Variants in SH2D6 observed in about 807,000 individuals in gnomAD.
The protein encoded by SH2D6 is SH2 domain-containing protein 6.
In SH2D6, 31 loss-of-function variants were observed where a neutral mutation model predicts 30.2. That is an observed-to-expected ratio of 1.03 (90% CI 0.77 to 1.38). The LOEUF (loss-of-function observed/expected upper bound fraction) is 1.38, where lower values mean the gene tolerates loss of function less well. Ranked by LOEUF, SH2D6 falls within the 40% of genes most tolerant of loss-of-function variation. The pLI, the probability that SH2D6 is intolerant of heterozygous loss-of-function variation, is 0.00. For synonymous variants in SH2D6, 93 were observed against 104.6 expected (o/e 0.89, Z 0.68); for missense variants, 240 against 266.8 (o/e 0.90, Z 0.70).
At position 85,432,409 on chromosome 2, in the gene SH2D6, G is replaced by T. The variant is rs866309936; in HGVS notation, c.370+450G>T. Reference sequence around the variant, plus strand: ...TATTTTTTTTGTTTTGTTTTGTTTTGTTTTTTTTTTGAGACGGAGTCTTGC... The same window carrying T: ...TATTTTTTTTGTTTTGTTTTGTTTTTTTTTTTTTTTGAGACGGAGTCTTGC... On this transcript the variant is annotated intron_variant, in intron 14 of 23. Coordinates refer to ENST00000469800, the MANE Select transcript of SH2D6 (RefSeq NM_001394463.1). 3.5e-3 allele frequency among the ~76,000 whole-genome samples: 505 copies of T among 145,942 alleles called. 7 individuals carry two copies. The highest frequency in any genetic ancestry group is 0.012 in the African/African-American group (476 of 39,460).
Position 85,434,485 on chromosome 2 carries a change from G to A in SH2D6, c.577G>A (p.Ala193Thr), listed in dbSNP as rs1345805698. ...PQETRNGTAD[A>T]ASKEGRKSSL... ...TCCTGTATGCCAGGGAACAGCAGATGCTGCCTCTAAAGGTGAGTAAAGGCT... is the reference window on the plus strand; with the variant it reads ...TCCTGTATGCCAGGGAACAGCAGATACTGCCTCTAAAGGTGAGTAAAGGCT... The change falls in exon 19 of 24, where the codon GCT becomes ACT. Residue 193 changes from alanine (A) to threonine (T), a missense_variant. By Grantham distance (58) the Ala-to-Thr change is moderately conservative (BLOSUM62 0). Transcript: ENST00000469800. 1.9e-6 allele frequency: 3 copies of A among 1,550,472 alleles called. No homozygotes were observed.
chr2:85,434,492 C>T lies in SH2D6; in HGVS notation c.584C>T (p.Ser195Phe), dbSNP rs1266438587. 3.2e-6 allele frequency: 5 copies of T among 1,550,352 alleles called. No individual in the cohort carries two copies. The highest frequency in any genetic ancestry group is 1.2e-5 in the South Asian group (1 of 84,062). The change falls in exon 19 of 24, where the codon TCT becomes TTT. Residue 195 changes from serine to phenylalanine, a missense_variant. Coordinates refer to ENST00000469800, the MANE Select transcript of SH2D6 (RefSeq NM_001394463.1). ...TGCCAGGGAACAGCAGATGCTGCCTCTAAAGGTGAGTAAAGGCTGGTCCAA... is the reference window on the plus strand; with the variant it reads ...TGCCAGGGAACAGCAGATGCTGCCTTTAAAGGTGAGTAAAGGCTGGTCCAA... ...ETRNGTADAA[S>F]KEGRKSSLPS...
rs1689217296 is a variant in SH2D6, at chr2:85,434,857, C to T, written c.590-208C>T. 5 of 1,511,732 alleles carry T rather than the reference C, an allele frequency of 3.3e-6. No homozygotes were observed. The South Asian group carries it at 6.6e-5, about 20-fold the overall frequency. 93.6% of individuals were successfully genotyped at this position (1,511,732 alleles called of 1,614,324 possible). On this transcript the variant is annotated intron_variant, in intron 19 of 23. Transcript: ENST00000469800. ...TAGTCTGTGCCCCAAGATCACGCCT[C>T]ATTTGGAGGTCACACGAGGCCTGGC... is the stretch of plus-strand genomic sequence containing the variant.
chr2:85,435,777 G>A lies in SH2D6; in HGVS notation c.844G>A (p.Gly282Ser), dbSNP rs370147462. The A allele has an allele frequency of 1.2e-5, 20 of 1,606,894 alleles. No homozygotes were observed. Among genetic ancestry groups the A allele is most frequent in the Non-Finnish European group, 1.6e-5 (19 of 1,176,916 alleles). Residue 282 changes from glycine to serine, a missense_variant, in exon 22 of 24, where the codon GGC becomes AGC. Gly to Ser is a moderately conservative substitution (Grantham distance 56). Coordinates refer to ENST00000469800, the MANE Select transcript of SH2D6 (RefSeq NM_001394463.1). The part of the protein sequence containing the change: ...VFNIPIRRLD[G>S]GRHYALGREG... ...CAACATTCCCATCCGGCGGCTGGAT[G>A]GCGGACGCCACTATGCCCTGGGCCG...
chr2:85,430,728 C>T lies in SH2D6; in HGVS notation c.250+76C>T, dbSNP rs1178063665. The T allele has an allele frequency of 1.3e-5, 2 of 152,350 alleles. No homozygotes were observed. The highest frequency in any genetic ancestry group is 2.9e-5 in the Non-Finnish European group (2 of 68,110). The allele number at this position is 152,350 out of a possible 1,614,324, so 9.4% of individuals were successfully genotyped here. ...GGAGGGTCCCCACAAGACAAGAGGA[C>T]ATAGGCCTCGCCTCTCCTCCCCTGC... On this transcript the variant is annotated intron_variant, in intron 12 of 23. Transcript: ENST00000469800. The surrounding 1 kb of genome is among the most constrained non-coding windows in gnomAD (Gnocchi z 4.3).
At chr2:85,425,787 G>A (rs1687994703) in intron 6 of SH2D6, among the ~76,000 whole-genome samples, 1 of 152,112 alleles carries the variant, frequency 6.6e-6, no homozygotes, top group African/African-American at 2.4e-5. Flanking sequence ...GCCCTGGGTG[G>A]TGGCACTAAG....
intron 6 of SH2D6, among the ~76,000 whole-genome samples, chr2:85,426,126 C>T (rs904829160): frequency 3.9e-5 from 6 of 152,174 alleles, no homozygotes; most frequent in Non-Finnish European, 5.9e-5. Flanking sequence ...ACCTCTGAGA[C>T]CTCTGACCAC....
chr2:85,435,011 G>GCCCCC, intron 19 of SH2D6, 54 bp from the exon 20 acceptor site: 1 of 932,138 alleles, frequency 1.1e-6, no homozygotes. Context: ...AGCCACCTTT[G>GCCCCC]CCCACCCCCA....
intron 2 of SH2D6, chr2:85,421,672 G>A (rs554870339): frequency 2.6e-5 from 4 of 152,282 alleles, no homozygotes; most frequent in Middle Eastern, 3.4e-3. Context: ...TAAACCTGTA[G>A]GTTTAATTAT....
chr2:85,435,270 C>A, intron 20 of SH2D6, 143 bp from the exon 21 acceptor site: 1 of 1,247,196 alleles, frequency 8.0e-7, no homozygotes, highest in Non-Finnish European at 1.1e-6. Context: ...GTGCCCCAGA[C>A]AGGGACACCA....
chr2:85,434,246 G>C, intron 17 of SH2D6, 94 bp from the exon 18 acceptor site: 1 of 1,512,668 alleles, frequency 6.6e-7, no homozygotes. Context: ...GTTGGCAGTG[G>C]TGGCAGGGGC....
intron 19 of SH2D6, chr2:85,434,786 A>T: frequency 6.9e-7 from 1 of 1,454,752 alleles, no homozygotes; most frequent in South Asian, 1.5e-5. Context: ...GCCTGAGGGG[A>T]CCCTCTTGGG....
intron 16 of SH2D6, 88 bp from the exon 17 acceptor site, chr2:85,433,945 C>T (rs2104938567): frequency 9.0e-7 from 1 of 1,115,978 alleles, no homozygotes; most frequent in South Asian, 1.5e-5. Flanking sequence ...AAGCAGCAGG[C>T]CCTGCAGCTG....
intron 1 of SH2D6, 31 bp downstream of exon 1, chr2:85,418,961 T>C (rs114794217): frequency 0.059 from 9,000 of 151,906 alleles, 385 homozygotes; most frequent in Middle Eastern, 0.086. Flanking sequence ...AGATGGTGGG[T>C]GGGGGGTTGG....
intron 15 of SH2D6, 83 bp from the exon 16 acceptor site, chr2:85,433,488 G>C: frequency 1.4e-6 from 1 of 719,340 alleles, no homozygotes; most frequent in Non-Finnish European, 1.7e-6. Context: ...TCAAATCGAT[G>C]GCTCCTCCCC....
Position 85,435,798 on chromosome 2 carries a change from G to T in SH2D6, c.865G>T (p.Gly289Cys), listed in dbSNP as rs200980149. 2 of 1,600,148 alleles carry T rather than the reference G, an allele frequency of 1.2e-6. No homozygotes were observed. Among genetic ancestry groups the T allele is most frequent in the Non-Finnish European group, 1.7e-6 (2 of 1,173,490 alleles). ...GGATGGCGGACGCCACTATGCCCTGGGCCGGGAGGGCAGGAACCGTGAGGA... is the reference window on the plus strand; with the variant it reads ...GGATGGCGGACGCCACTATGCCCTGTGCCGGGAGGGCAGGAACCGTGAGGA... ...RLDGGRHYAL[G>C]REGRNREELF... The change falls in exon 22 of 24, where the codon GGC becomes TGC. Residue 289 changes from glycine (G) to cysteine (C), a missense_variant. Gly to Cys is a radical substitution (Grantham distance 159, BLOSUM62 -3). Coordinates refer to ENST00000469800, the MANE Select transcript of SH2D6 (RefSeq NM_001394463.1).
At chr2:85,425,546 G>C (rs1687973229) in intron 6 of SH2D6, 139 bp downstream of exon 6, 1 of 152,118 alleles carries the variant, frequency 6.6e-6, no homozygotes, top group Non-Finnish European at 1.5e-5. Flanking sequence ...GGGATTACAA[G>C]CGTGAGCCAC....
intron 17 of SH2D6, 27 bp downstream of exon 17, chr2:85,434,138 G>A: frequency 6.5e-7 from 1 of 1,548,124 alleles, no homozygotes; most frequent in Non-Finnish European, 8.7e-7. Context: ...GTGTGCACCT[G>A]TGTGTATGTA....
At chr2:85,425,257 C>CTTTTTTTTTTT (rs56321596) in intron 5 of SH2D6, 51 bp from the exon 6 acceptor site, 2 of 96,134 alleles carry the variant, frequency 2.1e-5, no homozygotes, top group Admixed American at 1.1e-4. Context: ...TTCTTTCTTT[C>CTTTTTTTTTTT]TTTTTTTTTT....
Sources: gnomAD v4.1 joint callset for allele counts (sites outside exome capture counted in the v4.1 genomes callset) on GRCh38, gnomAD v4.1.1 for gene constraint, Gnocchi (gnomAD v3.1) non-coding constraint, MANE v1.5 for transcripts, NCBI Gene and HGNC (gene_info 2026-07-23, HGNC 2026-07-21) for gene names.